The following LTF variants were observed in gnomAD, a reference collection of about 807,000 sequenced individuals.
LTF encodes the protein epididymis luminal protein 110.
A neutral mutation model predicts 87.2 loss-of-function variants in LTF; 91 were observed. The observed-to-expected ratio is 1.04, with a 90% CI of 0.88 to 1.24. The LOEUF (loss-of-function observed/expected upper bound fraction) is 1.24. Ranked by LOEUF, LTF falls within the 50% of genes most tolerant of loss-of-function variation. LTF has a pLI of 0.00. For synonymous variants in LTF, 378 were observed against 356.1 expected (o/e 1.06, Z -0.69); for missense variants, 901 against 904.3 (o/e 1.00, Z 0.05).
intron 3 of LTF, 32 bp from the exon 4 acceptor site, chr3:46,456,010 T>C (rs755128989): frequency 3.3e-6 from 5 of 1,529,424 alleles, no homozygotes; most frequent in Non-Finnish European, 3.5e-6. Flanking sequence ...TGAAAGTTCT[T>C]AGCCTGGACA....
rs1204090265 is a variant in LTF at position 46,482,703 on chromosome 3, GGAAAGAAAGAAAGA to G, written c.-320+2269_-320+2282del. 2.8e-4 allele frequency among the ~76,000 whole-genome samples: 26 copies of G among 92,774 alleles called. 1 individual carries two copies. The highest frequency in any genetic ancestry group is 1.1e-3 in the African/African-American group (26 of 23,160). 60.9% of individuals were successfully genotyped at this position (92,774 alleles called of 152,430 possible). A position where few individuals can be genotyped will look rare whatever the true frequency, so the allele number is the denominator to read the frequency against. Reference sequence around the variant, plus strand: ...AGGAAGGAAGGAAGGAAGGAAGGAAGGAAAGAAAGAAAGAGAAAGAAAGGAAGGAAGGAAGGAAG... The same window carrying G: ...AGGAAGGAAGGAAGGAAGGAAGGAAGGAAAGAAAGGAAGGAAGGAAGGAAG... On this transcript the variant is annotated intron_variant, in intron 1 of 19. Coordinates refer to the LTF transcript ENST00000443496.
At chr3:46,458,073 C>T (rs1018040240) in intron 2 of LTF, among the ~76,000 whole-genome samples, 13 of 152,138 alleles carry the variant, frequency 8.5e-5, no homozygotes, top group Non-Finnish European at 1.9e-4. Context: ...TGTGAGCCAC[C>T]ACGCCCGGCC....
At chr3:46,466,946 T>G (rs1703223592), upstream of LTF, among the ~76,000 whole-genome samples, 1 of 152,116 alleles carries the variant, frequency 6.6e-6, no homozygotes, top group Admixed American at 6.5e-5. Flanking sequence ...TGGGCCCTCT[T>G]AAGTATGTTA....
intron 12 of LTF, 70 bp downstream of exon 12, chr3:46,445,211 C>T (rs1211816873): frequency 6.2e-6 from 9 of 1,455,550 alleles, no homozygotes; most frequent in African/African-American, 1.4e-5. Flanking sequence ...CCTCCCTTCC[C>T]TAAGGTTCCA....
chr3:46,451,366 C>T (rs1156882162), intron 6 of LTF, among the ~76,000 whole-genome samples: 1 of 152,198 alleles, frequency 6.6e-6, no homozygotes, highest in Non-Finnish European at 1.5e-5. Context: ...CTCAATCTCA[C>T]AGAGTATTTA....
intron 12 of LTF, 87 bp downstream of exon 12, chr3:46,445,194 C>T: frequency 7.5e-7 from 1 of 1,337,092 alleles, no homozygotes. Context: ...GCCTGCAAAT[C>T]CCCTCCCCTC....
intron 5 of LTF, 40 bp downstream of exon 5, chr3:46,455,255 G>T (rs769850465): frequency 6.2e-6 from 10 of 1,613,266 alleles, no homozygotes; most frequent in Non-Finnish European, 8.5e-6. Context: ...GAGGCCAAGG[G>T]ACACTTGGCC....
At chr3:46,463,443 C>T in intron 1 of LTF, 3 of 985,768 alleles carry the variant, frequency 3.0e-6, no homozygotes, top group South Asian at 9.4e-5. Flanking sequence ...GCCCCACTCA[C>T]CCAACTTCTG....
At chr3:46,482,645 A>G (rs1233950005) in intron 1 of LTF, among the ~76,000 whole-genome samples, 1 of 102,562 alleles carries the variant, frequency 9.8e-6, no homozygotes, top group African/African-American at 3.9e-5. Flanking sequence ...AGAAAGAAAG[A>G]AAGAAAGAAA....
intron 1 of LTF, chr3:46,463,441 C>A: frequency 1.0e-6 from 1 of 985,628 alleles, no homozygotes; most frequent in Non-Finnish European, 1.2e-6. Flanking sequence ...TGGCCCCACT[C>A]ACCCAACTTC....
chr3:46,454,187 G>C, intron 6 of LTF, 118 bp downstream of exon 6: 1 of 882,790 alleles, frequency 1.1e-6, no homozygotes, highest in Non-Finnish European at 1.9e-6. Flanking sequence ...GCTGTGCCCT[G>C]TAGGAATCTT....
At chr3:46,447,115 T>C (rs1332084605) in intron 10 of LTF, among the ~76,000 whole-genome samples, 193 bp downstream of exon 10, 1 of 152,244 alleles carries the variant, frequency 6.6e-6, no homozygotes, top group Non-Finnish European at 1.5e-5. Context: ...AAAACCAACC[T>C]GTCCCTTGTT....
intron 1 of LTF, among the ~76,000 whole-genome samples, chr3:46,473,456 A>G (rs1703319627): frequency 6.6e-6 from 1 of 152,244 alleles, no homozygotes; most frequent in Admixed American, 6.5e-5. Context: ...CCCACTAAGT[A>G]CAGATTAAAA....
intron 1 of LTF, chr3:46,463,603 C>T (rs531326943): frequency 9.0e-5 from 89 of 985,492 alleles, no homozygotes; most frequent in Middle Eastern, 5.2e-4. Flanking sequence ...CCTCAGTAGG[C>T]GCCAAAACAA....
chr3:46,437,676 T>A (rs1443057870), intron 16 of LTF, among the ~76,000 whole-genome samples: 1 of 152,170 alleles, frequency 6.6e-6, no homozygotes, highest in Non-Finnish European at 1.5e-5. Context: ...TTTTACTGAA[T>A]AAAATGGATT....
Position 46,445,528 on chromosome 3 carries a change from C to T in LTF, c.1358-92G>A, listed in dbSNP as rs147658799. 102 of 1,171,816 alleles carry T rather than the reference C, an allele frequency of 8.7e-5. No homozygotes were observed. In the African/African-American group the frequency reaches 1.4e-3, roughly 16 times the overall value. The allele number at this position is 1,171,816 out of a possible 1,614,324, so 72.6% of individuals were successfully genotyped here. On this transcript the variant is annotated intron_variant, in intron 11 of 16. Transcript: ENST00000231751. ...GAGCTGTCTACAGCCCAGGCCAAAA[C>T]AGGCCAAGAAGCAACACCAGGCAAT...
intron 1 of LTF, among the ~76,000 whole-genome samples, chr3:46,473,742 A>T (rs1575327830): frequency 1.3e-5 from 2 of 152,186 alleles, no homozygotes; most frequent in South Asian, 4.1e-4. Flanking sequence ...AAGAACTGTC[A>T]TGATTATACT....
At chr3:46,476,740 T>C (rs934098793) in intron 1 of LTF, among the ~76,000 whole-genome samples, 1 of 152,214 alleles carries the variant, frequency 6.6e-6, no homozygotes, top group African/African-American at 2.4e-5. Context: ...TATCCTGACA[T>C]CTAACACAAT....
At chr3:46,440,925 A>C (rs1702500659) in intron 14 of LTF, among the ~76,000 whole-genome samples, 1 of 152,182 alleles carries the variant, frequency 6.6e-6, no homozygotes, top group African/African-American at 2.4e-5. Flanking sequence ...ACCACCTGTA[A>C]TTTTGTTCCC....
Sources: allele counts gnomAD v4.1 joint callset (sites outside exome capture counted in the v4.1 genomes callset), GRCh38; gene constraint gnomAD v4.1.1; transcripts MANE v1.5; gene names NCBI Gene and HGNC (gene_info 2026-07-23, HGNC 2026-07-21).